Variants in SPAG16 observed in about 807,000 individuals in gnomAD.
The protein encoded by SPAG16 is sperm-associated antigen 16 protein.
Under a neutral mutation model 80.4 loss-of-function variants are expected in SPAG16, and 86 were observed. The ratio of observed to expected loss-of-function variants is 1.07; its 90% CI spans 0.90 to 1.28. The LOEUF is 1.28. SPAG16 is among the 50% of genes most tolerant of loss of function. The pLI, the probability that SPAG16 is intolerant of heterozygous loss-of-function variation, is 0.00. For synonymous variants in SPAG16, 294 were observed against 265.9 expected (o/e 1.11, Z -1.03); for missense variants, 870 against 765.3 (o/e 1.14, Z -1.61).
intron 10 of SPAG16, among the ~76,000 whole-genome samples, chr2:213,625,936 C>T (rs1400038377): frequency 1.3e-5 from 2 of 152,014 alleles, no homozygotes; most frequent in South Asian, 2.1e-4. Flanking sequence ...GTTATCCACC[C>T]GCCTCGGTCT....
At chr2:213,548,926 T>C (rs1186032600) in intron 10 of SPAG16, among the ~76,000 whole-genome samples, 1 of 152,092 alleles carries the variant, frequency 6.6e-6, no homozygotes, top group Non-Finnish European at 1.5e-5. Flanking sequence ...TTAATATAAA[T>C]GCATTTGTCC....
At chr2:213,880,368 G>A (rs1411996696) in intron 11 of SPAG16, among the ~76,000 whole-genome samples, 1 of 152,114 alleles carries the variant, frequency 6.6e-6, no homozygotes, top group Admixed American at 6.6e-5. Context: ...TGTAGATTCT[G>A]TATATTAAAC....
At chr2:214,356,254 T>C (rs1290455956) in intron 15 of SPAG16, among the ~76,000 whole-genome samples, 2 of 152,026 alleles carry the variant, frequency 1.3e-5, no homozygotes, top group Non-Finnish European at 2.9e-5. Flanking sequence ...TACATTTTAC[T>C]CCTGAAGTAA....
intron 9 of SPAG16, among the ~76,000 whole-genome samples, chr2:213,450,364 T>C (rs6732720): frequency 7.2e-5 from 11 of 152,222 alleles, no homozygotes; most frequent in African/African-American, 2.7e-4. Context: ...TTTGCTTCTG[T>C]TACTCAATTC....
At chr2:213,796,887 A>T (rs2071070224) in intron 10 of SPAG16, among the ~76,000 whole-genome samples, 1 of 151,402 alleles carries the variant, frequency 6.6e-6, no homozygotes, top group East Asian at 1.9e-4. Flanking sequence ...AGAAGAAGAT[A>T]TGGTTATTAT....
chr2:214,132,441 C>A (rs1484430687), intron 14 of SPAG16, among the ~76,000 whole-genome samples: 3 of 152,108 alleles, frequency 2.0e-5, no homozygotes, highest in Admixed American at 2.0e-4. Context: ...GCTGTAGTTA[C>A]ATTTAAAGTA....
chr2:214,078,633 A>C (rs1418570865), intron 13 of SPAG16, among the ~76,000 whole-genome samples: 1 of 151,938 alleles, frequency 6.6e-6, no homozygotes, highest in Non-Finnish European at 1.5e-5. Flanking sequence ...CTCTTTAAAC[A>C]GTTCAATGAA....
chr2:214,298,570 A>T (rs891044804), intron 15 of SPAG16, among the ~76,000 whole-genome samples: 13 of 152,202 alleles, frequency 8.5e-5, no homozygotes, highest in Non-Finnish European at 1.9e-4. Context: ...TATAGTACAG[A>T]AAAGGAACAG....
Position 214,016,329 on chromosome 2 carries a change from G to A in SPAG16, c.1527+2252G>A, listed in dbSNP as rs371239745. 5.9e-5 allele frequency among the ~76,000 whole-genome samples: 9 copies of A among 152,196 alleles called. No homozygotes were observed. The East Asian group carries it at 7.7e-4, about 13-fold the overall frequency. ...GGCAGCATGCAAGAGAGCATGTGCC[G>A]GGGAACTCACCTTTATAAAACCATC... On this transcript the variant is annotated intron_variant, in intron 13 of 15. Coordinates refer to ENST00000331683, the MANE Select transcript of SPAG16 (RefSeq NM_024532.5).
At chr2:213,540,260 C>T (rs1211104825) in intron 10 of SPAG16, among the ~76,000 whole-genome samples, 3 of 151,744 alleles carry the variant, frequency 2.0e-5, no homozygotes, top group Non-Finnish European at 4.4e-5. Flanking sequence ...CTGTGTTAGC[C>T]AGGATGGTCT....
At chr2:213,738,212 C>T (rs943723530) in intron 10 of SPAG16, among the ~76,000 whole-genome samples, 2 of 152,012 alleles carry the variant, frequency 1.3e-5, no homozygotes, top group Non-Finnish European at 2.9e-5. Context: ...TATAGTAGTC[C>T]GTCTTTACAT....
At chr2:213,799,898 G>C (rs2071272821) in intron 10 of SPAG16, among the ~76,000 whole-genome samples, 1 of 150,378 alleles carries the variant, frequency 6.6e-6, no homozygotes, top group African/African-American at 2.4e-5. Context: ...ATTGTGAATA[G>C]TGCTGCGATA....
chr2:214,136,870 A>G (rs1386396085), intron 14 of SPAG16, among the ~76,000 whole-genome samples: 1 of 152,188 alleles, frequency 6.6e-6, no homozygotes, highest in African/African-American at 2.4e-5. Context: ...TAATGAGCCT[A>G]AACATTTTAT....
chr2:214,109,706 T>C (rs2053569557), intron 14 of SPAG16, among the ~76,000 whole-genome samples: 2 of 152,238 alleles, frequency 1.3e-5, no homozygotes, highest in South Asian at 4.1e-4. Context: ...GATTGGTCTT[T>C]GTAAGAAATA....
chr2:214,114,514 C>T (rs533572621), intron 14 of SPAG16, among the ~76,000 whole-genome samples: 1 of 152,296 alleles, frequency 6.6e-6, no homozygotes, highest in Non-Finnish European at 1.5e-5. Context: ...ATGGTGGATG[C>T]CCCTCCCCCT....
At chr2:214,183,728 T>C (rs1180061506) in intron 15 of SPAG16, among the ~76,000 whole-genome samples, 1 of 152,018 alleles carries the variant, frequency 6.6e-6, no homozygotes, top group Admixed American at 6.6e-5. Flanking sequence ...TGGCTGATAA[T>C]ATTTTCGTCA....
chr2:213,675,321 C>T (rs1302759838), intron 10 of SPAG16, among the ~76,000 whole-genome samples: 1 of 152,028 alleles, frequency 6.6e-6, no homozygotes, highest in Admixed American at 6.5e-5. Context: ...AAAATTTTCT[C>T]CCATTTTGTG....
At chr2:213,778,380 A>G (rs1278292714) in intron 10 of SPAG16, among the ~76,000 whole-genome samples, 2 of 152,212 alleles carry the variant, frequency 1.3e-5, no homozygotes, top group Non-Finnish European at 2.9e-5. Context: ...CACTTAAAAA[A>G]TAGACTTAAT....
chr2:213,351,358 A>G (rs2065317064), intron 7 of SPAG16, among the ~76,000 whole-genome samples: 1 of 152,138 alleles, frequency 6.6e-6, no homozygotes, highest in Non-Finnish European at 1.5e-5. Context: ...CCAAAGACAT[A>G]CCATTTAAGA....
Sources: allele counts gnomAD v4.1 joint callset (sites outside exome capture counted in the v4.1 genomes callset), GRCh38; gene constraint gnomAD v4.1.1; transcripts MANE v1.5; gene names NCBI Gene and HGNC (gene_info 2026-07-23, HGNC 2026-07-21).